RAB11FIP3: variants seen among roughly 807,000 people sequenced by gnomAD.
RAB11FIP3 encodes RAB11 family interacting protein 3.
RAB11FIP3 carries 17 observed loss-of-function variants against 77.8 expected under a neutral mutation model. The ratio of observed to expected loss-of-function variants is 0.22; its 90% confidence interval spans 0.15 to 0.33. The LOEUF (loss-of-function observed/expected upper bound fraction) is 0.33. Among genes scored for constraint, RAB11FIP3 ranks in the 10% least tolerant of loss-of-function variants. RAB11FIP3 has a pLI of 1.00. For synonymous variants in RAB11FIP3, 437 were observed against 448.2 expected, an observed-to-expected ratio of 0.98 and a Z score of 0.31; for missense variants, 1,005 against 1,011.2, an observed-to-expected ratio of 0.99 and a Z score of 0.08.
intron 1 of RAB11FIP3, among the ~76,000 whole-genome samples, chr16:448,886 G>T (rs952376566): frequency 1.3e-5 from 2 of 152,114 alleles, no homozygotes; most frequent in African/African-American, 4.8e-5. Flanking sequence ...CTGCACTCCA[G>T]CCTGGGCAAC....
At chr16:473,776 G>GT (rs1217075859) in intron 3 of RAB11FIP3, among the ~76,000 whole-genome samples, 1 of 152,122 alleles carries the variant, frequency 6.6e-6, no homozygotes, top group Admixed American at 6.6e-5. Context: ...GTAGTTGAGG[G>GT]TTCACTCTTG....
At chr16:458,268 C>G (rs1368488606) in intron 1 of RAB11FIP3, among the ~76,000 whole-genome samples, 2 of 152,358 alleles carry the variant, frequency 1.3e-5, no homozygotes, top group Non-Finnish European at 2.9e-5. Flanking sequence ...TGACCACGTG[C>G]TACACCCCCC....
Position 493,641 on chromosome 16 carries a change from T to C in RAB11FIP3, c.1266-3183T>C, listed in dbSNP as rs536837288. Among the ~76,000 whole-genome samples, 244 of 152,060 alleles carry C rather than the reference T, an allele frequency of 1.6e-3. 5 individuals carry two copies. In the South Asian group the frequency reaches 0.045, roughly 28 times the overall value. On this transcript the variant is annotated intron_variant, in intron 5 of 13. Coordinates refer to ENST00000262305, the MANE Select transcript of RAB11FIP3 (RefSeq NM_014700.4). ...CTTTTTTTTGAGACAGAGTCTCGCTTTGTGACCCAGGCCGGAGTGCAGTGG... is the reference window on the plus strand; with the variant it reads ...CTTTTTTTTGAGACAGAGTCTCGCTCTGTGACCCAGGCCGGAGTGCAGTGG...
intron 1 of RAB11FIP3, among the ~76,000 whole-genome samples, chr16:427,441 T>A (rs1268883427): frequency 6.6e-6 from 1 of 152,192 alleles, no homozygotes; most frequent in Non-Finnish European, 1.5e-5. Flanking sequence ...CTACGCACAG[T>A]ACAGTGTGGA....
At chr16:432,669 G>A (rs1252350004) in intron 1 of RAB11FIP3, among the ~76,000 whole-genome samples, 4 of 146,588 alleles carry the variant, frequency 2.7e-5, no homozygotes, top group South Asian at 2.2e-4. Flanking sequence ...GTACGATCTC[G>A]GCTCAGTGCA....
chr16:477,689 T>C, intron 3 of RAB11FIP3: 1 of 985,062 alleles, frequency 1.0e-6, no homozygotes, highest in Admixed American at 6.1e-5. Flanking sequence ...TTTCTTACAG[T>C]GCTCTCCTGG....
rs2055811596 is a variant in RAB11FIP3, at chr16:471,666, A to G, written c.903+277A>G. On this transcript the variant is annotated intron_variant, in intron 3 of 13. Coordinates refer to ENST00000262305, the MANE Select transcript of RAB11FIP3 (RefSeq NM_014700.4). The surrounding 1 kb of genome is among the most constrained non-coding windows in gnomAD (Gnocchi z 4.4). ...AGTGATGTCATGACCACCCGCTGCC[A>G]GGCTGGCAGGCACAGGCGGAGCAGA... 6.6e-6 allele frequency among the ~76,000 whole-genome samples: 1 copy of G among 152,174 alleles called. No homozygotes were observed. Among genetic ancestry groups the G allele is most frequent in the African/African-American group, 2.4e-5 (1 of 41,446 alleles).
At chr16:516,555 A>G (rs1021884086) in intron 9 of RAB11FIP3, among the ~76,000 whole-genome samples, 1 of 152,218 alleles carries the variant, frequency 6.6e-6, no homozygotes, top group African/African-American at 2.4e-5. Flanking sequence ...GCGTGAGTCC[A>G]TATGACACAG....
At chr16:509,973 ACACT>A (rs2032054000) in intron 8 of RAB11FIP3, among the ~76,000 whole-genome samples, 1 of 152,148 alleles carries the variant, frequency 6.6e-6, no homozygotes, top group Non-Finnish European at 1.5e-5. Context: ...TGCTCATCAG[ACACT>A]CACTTCCTGG....
intron 9 of RAB11FIP3, among the ~76,000 whole-genome samples, chr16:511,875 T>G (rs2032191861): frequency 8.7e-6 from 1 of 115,406 alleles, no homozygotes; most frequent in African/African-American, 3.6e-5. Flanking sequence ...GTAGGAGTAG[T>G]TCCCTGATGG....
intron 1 of RAB11FIP3, among the ~76,000 whole-genome samples, chr16:456,490 T>C (rs2055506682): frequency 6.7e-6 from 1 of 150,092 alleles, no homozygotes; most frequent in Non-Finnish European, 1.5e-5. Flanking sequence ...GCACGGTGGC[T>C]CATGCCTGTA....
intron 1 of RAB11FIP3, among the ~76,000 whole-genome samples, chr16:451,994 C>G (rs1054886448): frequency 6.6e-6 from 1 of 152,050 alleles, no homozygotes; most frequent in East Asian, 1.9e-4. Flanking sequence ...ACTAAAAATA[C>G]AAAAATTAGC....
In RAB11FIP3 at chr16:477,254, A is replaced by C. The variant is rs1233937603; in HGVS notation, c.904-5271A>C. 3.7e-4 allele frequency among the ~76,000 whole-genome samples: 56 copies of C among 152,068 alleles called. 1 individual carries two copies. The highest frequency in any genetic ancestry group is 1.0e-4 in the Non-Finnish European group (7 of 68,012). On this transcript the variant is annotated intron_variant, in intron 3 of 13. Transcript: ENST00000262305. ...CGGCGACAAGAGCGAGACTCTATCAAAAAAAAGAAAAAAGAAATTTTAGGC... is the reference window on the plus strand; with the variant it reads ...CGGCGACAAGAGCGAGACTCTATCACAAAAAAGAAAAAAGAAATTTTAGGC...
chr16:475,281 G>A (rs975769618), intron 3 of RAB11FIP3, among the ~76,000 whole-genome samples: 5 of 152,230 alleles, frequency 3.3e-5, no homozygotes, highest in Non-Finnish European at 7.3e-5. Flanking sequence ...TGAATGTAAC[G>A]TTTCAACATA....
chr16:484,518 A>AT (rs2056112293), intron 4 of RAB11FIP3, among the ~76,000 whole-genome samples: 1 of 151,910 alleles, frequency 6.6e-6, no homozygotes, highest in African/African-American at 2.4e-5. Flanking sequence ...CGCCCGGCTA[A>AT]TATTTGTATT....
intron 1 of RAB11FIP3, among the ~76,000 whole-genome samples, chr16:435,625 G>A (rs1408792903): frequency 2.0e-5 from 3 of 152,188 alleles, no homozygotes. Context: ...GGCGTATGGT[G>A]GGAAGGGTTT....
chr16:482,501 G>A lies in RAB11FIP3; in HGVS notation c.904-24G>A, dbSNP rs755453943. The A allele has an allele frequency of 2.5e-6, 4 of 1,610,566 alleles. No individual in the cohort carries two copies. In the South Asian group the frequency reaches 4.4e-5, roughly 18 times the overall value. On this transcript the variant is annotated intron_variant, in intron 3 of 13. Coordinates refer to ENST00000262305, the MANE Select transcript of RAB11FIP3 (RefSeq NM_014700.4). The stretch of plus-strand genomic sequence containing the variant: ...GTTCCCCTCCCAGCTTGTGCCCGCT[G>A]ACTGCTGGCGCACTCTCTCCTAGGC...
At position 451,952 on chromosome 16, in the gene RAB11FIP3, C is replaced by T. The variant is rs1395848834; in HGVS notation, c.715-9452C>T. Reference sequence around the variant, plus strand: ...TTGCCTGAGGTCAGGAGTTGGAGACCAGCCTGGCTAAGATAGTGAAACCCC... The same window carrying T: ...TTGCCTGAGGTCAGGAGTTGGAGACTAGCCTGGCTAAGATAGTGAAACCCC... On this transcript the variant is annotated intron_variant, in intron 1 of 13. Transcript: ENST00000262305. Among the ~76,000 whole-genome samples, 4 of 152,216 alleles carry T rather than the reference C, an allele frequency of 2.6e-5. No individual in the cohort carries two copies. In the East Asian group the frequency reaches 5.8e-4, roughly 22 times the overall value.
intron 1 of RAB11FIP3, among the ~76,000 whole-genome samples, chr16:457,425 C>T (rs1298831118): frequency 6.6e-6 from 1 of 151,824 alleles, no homozygotes; most frequent in Non-Finnish European, 1.5e-5. Flanking sequence ...GCTTTGGCCA[C>T]TCTGGTTTAT....
Sources: allele counts gnomAD v4.1 joint callset (sites outside exome capture counted in the v4.1 genomes callset), GRCh38; gene constraint gnomAD v4.1.1; non-coding constraint Gnocchi (gnomAD v3.1); transcripts MANE v1.5; gene names NCBI Gene and HGNC (gene_info 2026-07-23, HGNC 2026-07-21).